KHDRBS2: variants seen among roughly 807,000 people sequenced by gnomAD.
KHDRBS2 encodes KH RNA binding domain containing, signal transduction associated 2.
A neutral mutation model predicts 44.3 loss-of-function variants in KHDRBS2; 26 were observed. That is an observed-to-expected ratio of 0.59 (90% CI 0.43 to 0.81). KHDRBS2 has a LOEUF of 0.81. Among genes scored for constraint, KHDRBS2 ranks in the 40% least tolerant of loss-of-function variants. The pLI is 0.00. For missense variants in KHDRBS2, 476 were observed against 433.1 expected, an observed-to-expected ratio of 1.10 and a Z score of -0.88; for synonymous variants, 194 against 151.1, an observed-to-expected ratio of 1.28 and a Z score of -2.08.
At chr6:61,722,525 C>G (rs1055920440) in intron 7 of KHDRBS2, among the ~76,000 whole-genome samples, 1 of 152,064 alleles carries the variant, frequency 6.6e-6, no homozygotes, top group African/African-American at 2.4e-5. Context: ...CTTATGCTAA[C>G]TAATCAGTTA....
chr6:62,121,578 T>C (rs139480132), intron 2 of KHDRBS2, among the ~76,000 whole-genome samples: 4 of 152,330 alleles, frequency 2.6e-5, no homozygotes, highest in Admixed American at 6.5e-5. Flanking sequence ...TTCCTGTCGA[T>C]AACACCAACC....
At chr6:62,281,437 T>A (rs1312428068) in intron 1 of KHDRBS2, among the ~76,000 whole-genome samples, 1 of 151,972 alleles carries the variant, frequency 6.6e-6, no homozygotes, top group Non-Finnish European at 1.5e-5. Context: ...CTGGCCAACA[T>A]GGTGAAATCC....
intron 2 of KHDRBS2, among the ~76,000 whole-genome samples, chr6:62,119,440 G>A (rs138265213): frequency 1.3e-5 from 2 of 152,244 alleles, no homozygotes; most frequent in Non-Finnish European, 2.9e-5. Context: ...ATTGTCCTGA[G>A]TAAGAGTTTT....
At chr6:62,267,195 G>A (rs7742126) in intron 1 of KHDRBS2, among the ~76,000 whole-genome samples, 25,594 of 151,934 alleles carry the variant, frequency 0.17, 2,371 homozygotes, top group African/African-American at 0.25. Context: ...AAAAATTCCG[G>A]GGTTTCTCAA....
chr6:61,736,590 A>G (rs2127562188), intron 6 of KHDRBS2, among the ~76,000 whole-genome samples: 1 of 152,030 alleles, frequency 6.6e-6, no homozygotes, highest in Admixed American at 6.6e-5. Flanking sequence ...AGGCAGTTTT[A>G]ATTTGTTTGT....
At chr6:62,072,241 G>A (rs1449407045) in intron 2 of KHDRBS2, among the ~76,000 whole-genome samples, 2 of 152,132 alleles carry the variant, frequency 1.3e-5, no homozygotes, top group African/African-American at 4.8e-5. Context: ...GAGATTTTGG[G>A]CTGAGACGAT....
the KHDRBS2 span, chr6:61,630,603 G>C: frequency 6.6e-6 from 1 of 152,338 alleles, no homozygotes; most frequent in Admixed American, 6.5e-5. Context: ...TATGCTTACA[G>C]AACAGAAATT....
chr6:62,121,825 G>C (rs554048927), intron 2 of KHDRBS2, among the ~76,000 whole-genome samples: 1 of 152,240 alleles, frequency 6.6e-6, no homozygotes, highest in South Asian at 2.1e-4. Context: ...GTGTGCCAAG[G>C]GATGGGAAAT....
the KHDRBS2 span, among the ~76,000 whole-genome samples, chr6:61,670,013 A>C: frequency 2.0e-5 from 3 of 151,314 alleles, no homozygotes; most frequent in African/African-American, 7.3e-5. Flanking sequence ...TGGAGGAGGA[A>C]ATGAAGGAAA....
the KHDRBS2 span, among the ~76,000 whole-genome samples, chr6:61,554,746 T>G: frequency 6.6e-6 from 1 of 152,178 alleles, no homozygotes; most frequent in Non-Finnish European, 1.5e-5. Context: ...GAAAAACATT[T>G]TATTTCTTCT....
At chr6:61,802,290 G>C (rs1786406205) in intron 6 of KHDRBS2, among the ~76,000 whole-genome samples, 2 of 152,106 alleles carry the variant, frequency 1.3e-5, no homozygotes, top group South Asian at 4.1e-4. Context: ...AGAAATGTGT[G>C]ATAATAAGTC....
chr6:62,132,371 C>A (rs1810526412), intron 2 of KHDRBS2, among the ~76,000 whole-genome samples: 2 of 152,116 alleles, frequency 1.3e-5, no homozygotes, highest in Admixed American at 1.3e-4. Context: ...CTTGACCAAG[C>A]ACCCAAATCA....
At chr6:61,896,295 T>A (rs781273433) in intron 5 of KHDRBS2, among the ~76,000 whole-genome samples, 4 of 152,172 alleles carry the variant, frequency 2.6e-5, no homozygotes, top group Admixed American at 6.5e-5. Context: ...GGGCAATAAA[T>A]TATATGGTCA....
chr6:61,576,969 G>C, the KHDRBS2 span, among the ~76,000 whole-genome samples: 1 of 152,124 alleles, frequency 6.6e-6, no homozygotes, highest in African/African-American at 2.4e-5. Flanking sequence ...GTTCAGAAAA[G>C]TGTTGATTTA....
intron 6 of KHDRBS2, chr6:61,816,539 G>A (rs183870280): frequency 4.5e-4 from 181 of 399,006 alleles, no homozygotes; most frequent in Non-Finnish European, 8.3e-4. Flanking sequence ...AAAGGAGCAC[G>A]ACCCTGCTGA....
the KHDRBS2 span, among the ~76,000 whole-genome samples, chr6:61,576,110 A>G: frequency 6.7e-6 from 1 of 150,174 alleles, no homozygotes; most frequent in Non-Finnish European, 1.5e-5. Flanking sequence ...CAAAACAAAA[A>G]TAAATAAATA....
intron 7 of KHDRBS2, among the ~76,000 whole-genome samples, chr6:61,705,242 C>A (rs1204141): frequency 0.2 from 30,280 of 151,654 alleles, 3,559 homozygotes; most frequent in South Asian, 0.33. Context: ...TTACTCTTTC[C>A]GACTCCCTAC....
chr6:62,156,838 ATTTTTTTTTT>A lies in KHDRBS2; in HGVS notation c.219+20337_219+20346del, dbSNP rs34408265. 3.6e-3 allele frequency among the ~76,000 whole-genome samples: 450 copies of A among 124,008 alleles called. 2 individuals are homozygous for A. The highest frequency in any genetic ancestry group is 0.013 in the African/African-American group (437 of 32,836). The allele number at this position is 124,008 out of a possible 152,430, so 81.4% of individuals were successfully genotyped here. A position where few individuals can be genotyped will look rare whatever the true frequency, so the allele number is the denominator to read the frequency against. ...AGGTGCCCGCCACCACGCCCGGCTA[ATTTTTTTTTT>A]TTTTTTTTTTGTATTTTTAGTAGAG... On this transcript the variant is annotated intron_variant, in intron 2 of 8. Transcript: ENST00000281156.
chr6:61,696,237 T>TTTATTTATTTA (rs1767886798), intron 8 of KHDRBS2, among the ~76,000 whole-genome samples: 1 of 146,050 alleles, frequency 6.8e-6, no homozygotes, highest in African/African-American at 2.5e-5. Flanking sequence ...CATATATGTA[T>TTTATTTATTTA]TTTATTTATT....
Sources: gnomAD v4.1 joint callset for allele counts (sites outside exome capture counted in the v4.1 genomes callset) on GRCh38, gnomAD v4.1.1 for gene constraint, MANE v1.5 for transcripts, NCBI Gene and HGNC (gene_info 2026-07-23, HGNC 2026-07-21) for gene names.